Variants in PCDHA11 observed in about 807,000 individuals in gnomAD.
PCDHA11 encodes the protein protocadherin alpha 11.
Under a neutral mutation model 70.3 loss-of-function variants are expected in PCDHA11, and 61 were observed. The ratio of observed to expected loss-of-function variants is 0.87; its 90% CI spans 0.71 to 1.07. PCDHA11 has a LOEUF of 1.07. Ranked by LOEUF, PCDHA11 falls within the 50% of genes least tolerant of loss-of-function variation. The pLI is 0.00. For missense variants in PCDHA11, 1,324 were observed against 1,237.5 expected (o/e 1.07, Z -1.05); for synonymous variants, 633 against 555.1 (o/e 1.14, Z -1.97).
At chr5:140,927,564 G>T (rs868927450) in intron 1 of PCDHA11, 1 of 1,614,150 alleles carries the variant, frequency 6.2e-7, no homozygotes. Context: ...TCATTGTGGT[G>T]GACACAAATG....
At chr5:140,999,215 C>T (rs1290752092) in intron 3 of PCDHA11, among the ~76,000 whole-genome samples, 1 of 152,140 alleles carries the variant, frequency 6.6e-6, no homozygotes, top group South Asian at 2.1e-4. Context: ...TCTGGAAGTA[C>T]TACATTTGAG....
At chr5:140,963,631 G>A (rs1168776991) in intron 1 of PCDHA11, among the ~76,000 whole-genome samples, 2 of 152,144 alleles carry the variant, frequency 1.3e-5, no homozygotes, top group African/African-American at 2.4e-5. Flanking sequence ...TGTTGCATAC[G>A]CATCTTCCCT....
chr5:140,962,569 T>A (rs782016565), intron 1 of PCDHA11, among the ~76,000 whole-genome samples: 17 of 152,194 alleles, frequency 1.1e-4, no homozygotes, highest in African/African-American at 1.7e-4. Context: ...TAAAAGCCAA[T>A]TGTTAATGCC....
At chr5:140,974,109 T>A (rs192229356) in intron 1 of PCDHA11, among the ~76,000 whole-genome samples, 366 of 152,368 alleles carry the variant, frequency 2.4e-3, no homozygotes, top group Non-Finnish European at 3.7e-3. Context: ...AAAAGTATTC[T>A]TTTGCAGTGT....
At chr5:140,982,253 A>G (rs1209317234) in intron 2 of PCDHA11, 16 of 777,640 alleles carry the variant, frequency 2.1e-5, no homozygotes, top group Admixed American at 3.3e-5. Context: ...AAGATAGAAC[A>G]TGTGTGTTCC....
At chr5:140,929,050 C>T (rs946542782) in intron 1 of PCDHA11, 11 of 1,614,026 alleles carry the variant, frequency 6.8e-6, no homozygotes, top group African/African-American at 5.3e-5. Flanking sequence ...GAGCTGCTGT[C>T]GCTCTACAGA....
At chr5:140,945,630 A>C (rs1445072054) in intron 1 of PCDHA11, among the ~76,000 whole-genome samples, 1 of 152,166 alleles carries the variant, frequency 6.6e-6, no homozygotes, top group African/African-American at 2.4e-5. Context: ...CTGGCATAAA[A>C]GACATGTAGA....
At chr5:140,960,177 G>C (rs2095530246) in intron 1 of PCDHA11, among the ~76,000 whole-genome samples, 1 of 152,052 alleles carries the variant, frequency 6.6e-6, no homozygotes, top group Non-Finnish European at 1.5e-5. Flanking sequence ...CTTAAGTTAG[G>C]GGTTGCATGT....
intron 1 of PCDHA11, among the ~76,000 whole-genome samples, chr5:140,914,080 T>G (rs2076596374): frequency 6.6e-6 from 1 of 152,222 alleles, no homozygotes; most frequent in African/African-American, 2.4e-5. Flanking sequence ...TAACTATCTA[T>G]TAGGTCAATT....
chr5:140,990,998 T>C (rs994699186), intron 3 of PCDHA11, among the ~76,000 whole-genome samples: 1 of 152,216 alleles, frequency 6.6e-6, no homozygotes, highest in Non-Finnish European at 1.5e-5. Flanking sequence ...CTACCATTTA[T>C]TGAGAACTGT....
chr5:140,967,299 G>T, intron 1 of PCDHA11: 3 of 1,612,674 alleles, frequency 1.9e-6, no homozygotes, highest in Non-Finnish European at 2.5e-6. Flanking sequence ...CCCGACGTGG[G>T]CGCCAACTCA....
In PCDHA11 at chr5:141,010,432, C is replaced by T; in HGVS notation, c.*495C>T. On this transcript the variant is annotated 3_prime_UTR_variant, in exon 4 of 4. Coordinates refer to ENST00000398640, the MANE Select transcript of PCDHA11 (RefSeq NM_018902.5). The stretch of plus-strand genomic sequence containing the variant: ...AATTGGTACAAGGAAGGCAAGAAAA[C>T]AAAGACAAATAAACAGCGGAAGTTA... 1 of 1,056,970 alleles carries T rather than the reference C, an allele frequency of 9.5e-7. No individual in the cohort carries two copies. The highest frequency in any genetic ancestry group is 1.3e-6 in the Non-Finnish European group (1 of 756,282). 65.5% of individuals were successfully genotyped at this position (1,056,970 alleles called of 1,614,324 possible).
intron 1 of PCDHA11, among the ~76,000 whole-genome samples, chr5:140,978,099 C>T (rs547323907): frequency 1.1e-4 from 17 of 152,292 alleles, no homozygotes; most frequent in African/African-American, 3.6e-4. Flanking sequence ...ACATAACTCC[C>T]CCAACAGTCT....
At position 140,869,781 on chromosome 5, in the gene PCDHA11, T is replaced by C. The variant is rs781934601; in HGVS notation, c.678T>C (p.Val226=). 1 of 1,612,992 alleles carries C rather than the reference T, an allele frequency of 6.2e-7. No homozygotes were observed. The highest frequency in any genetic ancestry group is 1.1e-5 in the South Asian group (1 of 91,032). The change falls in exon 1 of 4, where the codon GTT becomes GTC. Residue 226 remains valine, a synonymous_variant. Transcript: ENST00000398640. ...GAAAACCAGAGCTTACTGGCACCGT[T>C]CGGCTGTTAGTCCAAGTCTTGGATG... ...DGGKPELTGT[V]RLLVQVLDVN...
At chr5:140,977,373 A>G (rs1167438428) in intron 1 of PCDHA11, among the ~76,000 whole-genome samples, 1 of 152,168 alleles carries the variant, frequency 6.6e-6, no homozygotes, top group Non-Finnish European at 1.5e-5. Flanking sequence ...TATTTTAGTC[A>G]TATTTCCAGG....
At chr5:141,001,030 G>A (rs1356604139) in intron 3 of PCDHA11, among the ~76,000 whole-genome samples, 1 of 151,894 alleles carries the variant, frequency 6.6e-6, no homozygotes, top group Non-Finnish European at 1.5e-5. Context: ...TATAATAATA[G>A]CTTTAATTAA....
In PCDHA11 at chr5:140,919,389, T is replaced by C. The variant is rs1042186256; in HGVS notation, c.2391+47895T>C. 3.9e-5 allele frequency among the ~76,000 whole-genome samples: 6 copies of C among 152,360 alleles called. No homozygotes were observed. The East Asian group carries it at 1.2e-3, about 29-fold the overall frequency. ...CTGCAGACAACACATAGTTGGATGTTGTTTTCCTAAAAACTCTAGACTGAC... is the reference window on the plus strand; with the variant it reads ...CTGCAGACAACACATAGTTGGATGTCGTTTTCCTAAAAACTCTAGACTGAC... On this transcript the variant is annotated intron_variant, in intron 1 of 3. Coordinates refer to ENST00000398640, the MANE Select transcript of PCDHA11 (RefSeq NM_018902.5).
chr5:140,883,403 T>C (rs1009539034), intron 1 of PCDHA11: 1 of 1,614,168 alleles, frequency 6.2e-7, no homozygotes, highest in Non-Finnish European at 8.5e-7. Context: ...CGATCGTGAC[T>C]CTGGCTCAAA....
rs782746767 is a variant in PCDHA11, at chr5:140,869,751, CG to C, written c.653del (p.Gly218GlufsTer12). On this transcript the variant is annotated frameshift_variant, in exon 1 of 4. Transcript: ENST00000398640. LOFTEE classifies it high-confidence loss of function. ...TTAATTTGCTGCTAACAGCTACAGA[CG>C]GGGGAAAACCAGAGCTTACTGGCAC... ...ELNLLLTATD[G>X]GKPELTGTVR... 6.2e-7 allele frequency: 1 copy of C among 1,613,134 alleles called. No individual in the cohort carries two copies. The highest frequency in any genetic ancestry group is 1.1e-5 in the South Asian group (1 of 91,058).
Sources: gnomAD v4.1 joint callset for allele counts (sites outside exome capture counted in the v4.1 genomes callset) on GRCh38, gnomAD v4.1.1 for gene constraint, MANE v1.5 for transcripts, NCBI Gene and HGNC (gene_info 2026-07-23, HGNC 2026-07-21) for gene names.